EPS15L1: variants seen among roughly 807,000 people sequenced by gnomAD.
The protein encoded by EPS15L1 is epidermal growth factor receptor substrate 15-like 1.
EPS15L1 carries 43 observed loss-of-function variants against 117.1 expected under a neutral mutation model. That is an observed-to-expected ratio of 0.37 (90% CI 0.29 to 0.47). The LOEUF (loss-of-function observed/expected upper bound fraction) is 0.47. EPS15L1 is among the 20% of genes least tolerant of loss of function. EPS15L1 has a pLI of 0.99. For missense variants in EPS15L1, 981 were observed against 1,164.0 expected (o/e 0.84, Z 2.29); for synonymous variants, 459 against 470.5 (o/e 0.98, Z 0.32).
intron 22 of EPS15L1, among the ~76,000 whole-genome samples, chr19:16,372,457 T>C (rs1051979127): frequency 3.3e-5 from 5 of 152,192 alleles, no homozygotes; most frequent in African/African-American, 1.2e-4. Flanking sequence ...CAAACTCACA[T>C]TTGGTCCTGT....
intron 1 of EPS15L1, among the ~76,000 whole-genome samples, chr19:16,457,628 T>C (rs2093210043): frequency 6.6e-6 from 1 of 151,126 alleles, no homozygotes; most frequent in African/African-American, 2.4e-5. Flanking sequence ...GGGATGGAAC[T>C]GGAATGGCGC....
At position 16,381,627 on chromosome 19, in the gene EPS15L1, G is replaced by A. The variant is rs10423953; in HGVS notation, c.2247+3502C>T. ...ATGATCACACCAAGTACGAAGCTGC[G>A]ATTGGAATCTGGGAGTGCCCCCATC... On this transcript the variant is annotated intron_variant, in intron 21 of 23. Transcript: ENST00000455140. This position sits in a 1 kb window ranked among gnomAD's most constrained non-coding sequence, Gnocchi z 4.2. Among the ~76,000 whole-genome samples, 4,332 of 152,268 alleles carry A rather than the reference G, an allele frequency of 0.028. 224 individuals carry two copies. The highest frequency in any genetic ancestry group is 0.098 in the African/African-American group (4,068 of 41,520).
intron 1 of EPS15L1, among the ~76,000 whole-genome samples, chr19:16,447,984 A>G (rs367868341): frequency 6.6e-6 from 1 of 152,156 alleles, no homozygotes; most frequent in South Asian, 2.1e-4. Context: ...ACAAAGGTGC[A>G]AAAGTATTTC....
chr19:16,455,553 A>G (rs951244902), intron 1 of EPS15L1, among the ~76,000 whole-genome samples: 2 of 152,098 alleles, frequency 1.3e-5, no homozygotes, highest in Admixed American at 1.3e-4. Context: ...GCCCAGCTCC[A>G]TCTACACCTA....
intron 4 of EPS15L1, among the ~76,000 whole-genome samples, chr19:16,438,707 A>AT (rs2093000066): frequency 2.6e-5 from 4 of 151,848 alleles, no homozygotes; most frequent in Admixed American, 2.0e-4. Context: ...GTTTTTATTT[A>AT]TTTTTTTAGA....
At chr19:16,452,518 G>A (rs182511062) in intron 1 of EPS15L1, among the ~76,000 whole-genome samples, 14 of 150,594 alleles carry the variant, frequency 9.3e-5, no homozygotes, top group Non-Finnish European at 2.1e-4. Context: ...TACTCGAGAA[G>A]CTAAGGCAGG....
chr19:16,439,675 A>T (rs2093010688), intron 4 of EPS15L1, among the ~76,000 whole-genome samples: 1 of 149,576 alleles, frequency 6.7e-6, no homozygotes, highest in Non-Finnish European at 1.5e-5. Context: ...TGGGCAACAG[A>T]GCGAGGCTCA....
intron 9 of EPS15L1, among the ~76,000 whole-genome samples, chr19:16,423,316 A>T (rs2092836272): frequency 2.6e-5 from 4 of 152,234 alleles, no homozygotes; most frequent in Non-Finnish European, 5.9e-5. Flanking sequence ...CTGTAATCTC[A>T]GCACTTTGGG....
chr19:16,394,888 C>T lies in EPS15L1; in HGVS notation c.1915+456G>A, dbSNP rs146831227. 2.8e-3 allele frequency among the ~76,000 whole-genome samples: 422 copies of T among 152,210 alleles called. 2 individuals are homozygous for T. Among genetic ancestry groups the T allele is most frequent in the Admixed American group, 4.9e-3 (75 of 15,270 alleles). ...GAACACTTCCCACTGTATCTTGATG[C>T]CTTGGCTCTCTGGTTAACAGGGTGA... On this transcript the variant is annotated intron_variant, in intron 17 of 23. Transcript: ENST00000455140.
chr19:16,423,701 G>A (rs769807744), intron 9 of EPS15L1, among the ~76,000 whole-genome samples: 4 of 152,184 alleles, frequency 2.6e-5, no homozygotes, highest in Admixed American at 1.3e-4. Flanking sequence ...TCTGGTGGAC[G>A]TAAAGATGCC....
At chr19:16,444,121 A>G (rs1483370484) in intron 1 of EPS15L1, among the ~76,000 whole-genome samples, 7 of 150,902 alleles carry the variant, frequency 4.6e-5, no homozygotes, top group Non-Finnish European at 1.0e-4. Context: ...TGACAAAATG[A>G]AAATAGAAGG....
In EPS15L1 at chr19:16,437,005, A is replaced by G. The variant is rs1568450474; in HGVS notation, c.310-6T>C. On this transcript the variant is annotated splice_region_variant and splice_polypyrimidine_tract_variant and intron_variant, in intron 5 of 23. Transcript: ENST00000455140. ...AGAGGGCTGCTGGTGTCGTGCTGAGAAGAGAGAGAAACATTCCTTTGTGGC... is the reference window on the plus strand; with the variant it reads ...AGAGGGCTGCTGGTGTCGTGCTGAGGAGAGAGAGAAACATTCCTTTGTGGC... 2.5e-6 allele frequency: 4 copies of G among 1,613,572 alleles called. No individual in the cohort carries two copies. The highest frequency in any genetic ancestry group is 3.4e-6 in the Non-Finnish European group (4 of 1,179,512).
intron 1 of EPS15L1, among the ~76,000 whole-genome samples, chr19:16,470,654 T>G (rs1279843278): frequency 1.3e-5 from 2 of 152,164 alleles, no homozygotes; most frequent in Non-Finnish European, 2.9e-5. Context: ...CACTGTTAAC[T>G]TAGTGACAGT....
At chr19:16,462,514 C>CA (rs1599692460) in intron 1 of EPS15L1, among the ~76,000 whole-genome samples, 1 of 152,052 alleles carries the variant, frequency 6.6e-6, no homozygotes, top group Non-Finnish European at 1.5e-5. Flanking sequence ...TACAAAAATA[C>CA]AAAAAAATTA....
Position 16,417,953 on chromosome 19 carries a change from C to A in EPS15L1, c.1102G>T (p.Gly368Cys). The change falls in exon 11 of 24, where the codon GGC (glycine) becomes TGC (cysteine). Residue 368 changes from glycine to cysteine, a missense_variant. By Grantham distance (159) the Gly-to-Cys change is radical. Coordinates refer to ENST00000455140, the MANE Select transcript of EPS15L1 (RefSeq NM_001258374.3). ...GCATGACCAGCACCACTCACCGGGC[C>A]GGGCGTGCCTCTCTCCGAAGGCGGG... ...MVPPSERGTP[G>C]PDSSGSLGSG... The A allele has an allele frequency of 1.9e-6, 3 of 1,612,672 alleles. No individual in the cohort carries two copies. Among genetic ancestry groups the A allele is most frequent in the Non-Finnish European group, 2.5e-6 (3 of 1,179,378 alleles).
In EPS15L1 at chr19:16,432,215, C is replaced by T. The variant is rs111923053; in HGVS notation, c.498+2150G>A. ...TTGGGAGGCCGAGGCAGGTGGATCA[C>T]CTGAGGTCAGGAGTTCAAGACTAGC... On this transcript the variant is annotated intron_variant, in intron 7 of 23. Transcript: ENST00000455140. Among the ~76,000 whole-genome samples the T allele has an allele frequency of 1.2e-3, 186 of 151,966 alleles. 1 individual carries two copies. The highest frequency in any genetic ancestry group is 4.3e-3 in the African/African-American group (178 of 41,446).
intron 12 of EPS15L1, among the ~76,000 whole-genome samples, chr19:16,416,969 T>C (rs1042716010): frequency 6.6e-6 from 1 of 152,220 alleles, no homozygotes; most frequent in Admixed American, 6.5e-5. Context: ...GCCACAGACC[T>C]GGAGGCCCCT....
At chr19:16,395,909 C>A (rs577124423) in intron 16 of EPS15L1, among the ~76,000 whole-genome samples, 18 of 142,620 alleles carry the variant, frequency 1.3e-4, no homozygotes, top group African/African-American at 4.7e-4. Context: ...TACGCCATTG[C>A]GCTCCAGCCT....
At chr19:16,449,632 C>A (rs1350795490) in intron 1 of EPS15L1, among the ~76,000 whole-genome samples, 1 of 152,138 alleles carries the variant, frequency 6.6e-6, no homozygotes, top group Non-Finnish European at 1.5e-5. Flanking sequence ...CCGCATGAAC[C>A]AGCAACTGTC....
Sources: allele counts gnomAD v4.1 joint callset (sites outside exome capture counted in the v4.1 genomes callset), GRCh38; gene constraint gnomAD v4.1.1; non-coding constraint Gnocchi (gnomAD v3.1); transcripts MANE v1.5; gene names NCBI Gene and HGNC (gene_info 2026-07-23, HGNC 2026-07-21).